Variants in ESR1 observed in about 807,000 individuals in gnomAD.
ESR1 encodes the protein estrogen receptor.
ESR1 carries 12 observed loss-of-function variants against 52.7 expected under a neutral mutation model. That is an observed-to-expected ratio of 0.23 (90% confidence interval 0.15 to 0.37). The LOEUF (loss-of-function observed/expected upper bound fraction) is 0.37, where lower values mean the gene tolerates loss of function less well. Ranked by LOEUF, ESR1 falls within the 10% of genes least tolerant of loss-of-function variation. The pLI is 1.00. For synonymous variants in ESR1, 305 were observed against 316.8 expected (o/e 0.96, Z 0.39); for missense variants, 584 against 779.7 (o/e 0.75, Z 2.99).
intron 3 of ESR1, among the ~76,000 whole-genome samples, chr6:151,899,258 C>T (rs1796133574): frequency 1.4e-5 from 2 of 138,686 alleles, no homozygotes; most frequent in Admixed American, 1.4e-4. Flanking sequence ...GGGGGCTGAA[C>T]CCCCACCTCC....
At chr6:151,732,534 T>TTGTGTGTGTGTGTG (rs3036504) in intron 2 of ESR1, among the ~76,000 whole-genome samples, 48 of 148,866 alleles carry the variant, frequency 3.2e-4, no homozygotes, top group East Asian at 5.9e-4. Flanking sequence ...GTGTGTGTGT[T>TTGTGTGTGTGTGTG]TGTGTGTGTG....
At chr6:151,663,177 GTGTAA>G (rs917557355) in intron 1 of ESR1, among the ~76,000 whole-genome samples, 4 of 152,194 alleles carry the variant, frequency 2.6e-5, no homozygotes, top group Non-Finnish European at 5.9e-5. Flanking sequence ...AGGGTGTTTT[GTGTAA>G]TGCCTGGAAT....
intron 3 of ESR1, among the ~76,000 whole-genome samples, chr6:151,908,751 T>C (rs898157935): frequency 6.6e-6 from 1 of 151,990 alleles, no homozygotes; most frequent in Admixed American, 6.6e-5. Flanking sequence ...AATCATGAAA[T>C]CTTTCTAAAC....
intron 1 of ESR1, among the ~76,000 whole-genome samples, chr6:151,821,506 T>G (rs1475054274): frequency 2.6e-5 from 4 of 152,232 alleles, no homozygotes; most frequent in African/African-American, 4.8e-5. Flanking sequence ...GTATTGAAGA[T>G]TCCCTTGTTT....
intron 4 of ESR1, among the ~76,000 whole-genome samples, chr6:151,952,209 G>A (rs536292361): frequency 6.2e-4 from 95 of 152,318 alleles, no homozygotes; most frequent in African/African-American, 2.2e-3. Context: ...TGTTTTAACA[G>A]ATAAATAATA....
intron 3 of ESR1, chr6:151,936,277 G>A (rs1335784524): frequency 6.6e-6 from 1 of 152,168 alleles, no homozygotes; most frequent in Non-Finnish European, 1.5e-5. Flanking sequence ...CTAAGGCTTG[G>A]GGAGAGCAAC....
intron 2 of ESR1, among the ~76,000 whole-genome samples, chr6:151,772,758 A>G (rs1161730564): frequency 6.6e-6 from 1 of 152,198 alleles, no homozygotes; most frequent in South Asian, 2.1e-4. Flanking sequence ...TTTATAACAT[A>G]TTTGTAAATG....
In ESR1 at chr6:151,968,770, C is replaced by T. The variant is rs1475812431; in HGVS notation, c.1096+24262C>T. 3.3e-5 allele frequency among the ~76,000 whole-genome samples: 5 copies of T among 152,238 alleles called. No individual in the cohort carries two copies. The East Asian group carries it at 9.7e-4, about 29-fold the overall frequency. On this transcript the variant is annotated intron_variant, in intron 4 of 7. Transcript: ENST00000206249. ...TCTGGTTCCGGGTCAGTGGATGGAG[C>T]ATTTCCTCTCGCAGGCACACCTTCA...
chr6:151,898,338 G>C (rs953395463), intron 3 of ESR1, among the ~76,000 whole-genome samples: 3 of 148,912 alleles, frequency 2.0e-5, no homozygotes, highest in Non-Finnish European at 4.5e-5. Context: ...ATTATTCTTA[G>C]GTTTGGTTGT....
At chr6:151,873,609 T>TCAA (rs1228039435) in intron 2 of ESR1, among the ~76,000 whole-genome samples, 1 of 152,226 alleles carries the variant, frequency 6.6e-6, no homozygotes, top group African/African-American at 2.4e-5. Flanking sequence ...TCCCAAATGT[T>TCAA]ACAGCTCAAA....
intron 2 of ESR1, among the ~76,000 whole-genome samples, chr6:151,776,218 G>A (rs1785976515): frequency 6.6e-6 from 1 of 152,146 alleles, no homozygotes; most frequent in Non-Finnish European, 1.5e-5. Flanking sequence ...ATAGACTGGG[G>A]ACATAGTGCC....
chr6:151,875,115 C>T (rs142646806), intron 2 of ESR1, among the ~76,000 whole-genome samples: 44 of 152,294 alleles, frequency 2.9e-4, no homozygotes, highest in South Asian at 2.1e-3. Context: ...GGCCTCAAAA[C>T]GGAAAGAGTA....
chr6:152,104,093 T>TGA (rs1310588291), downstream of ESR1, among the ~76,000 whole-genome samples: 4 of 148,516 alleles, frequency 2.7e-5, no homozygotes, highest in Non-Finnish European at 5.9e-5. Flanking sequence ...GGTTCTTTTA[T>TGA]GAAGACCACA....
intron 2 of ESR1, among the ~76,000 whole-genome samples, chr6:151,734,225 C>A (rs142760949): frequency 8.5e-5 from 13 of 152,232 alleles, no homozygotes; most frequent in Admixed American, 2.0e-4. Context: ...CTGGGCCATG[C>A]AACAGGCCTG....
intron 6 of ESR1, among the ~76,000 whole-genome samples, chr6:152,070,077 T>C (rs1477991660): frequency 7.3e-6 from 1 of 137,596 alleles, no homozygotes; most frequent in African/African-American, 3.2e-5. Flanking sequence ...CCTCTAATTC[T>C]AAGCAGTACT....
rs147117224 is a variant in ESR1 at position 151,925,776 on chromosome 6, G to GT, written c.761-18390dup. ...GGCTTATCTTTTCACTCTCTTAATTGTTTTTTTCAAAGTAGAAATTTAAAT... is the reference window on the plus strand; with the variant it reads ...GGCTTATCTTTTCACTCTCTTAATTGTTTTTTTTCAAAGTAGAAATTTAAAT... On this transcript the variant is annotated intron_variant, in intron 3 of 7. Transcript: ENST00000206249. Among the ~76,000 whole-genome samples the GT allele has an allele frequency of 3.0e-3, 455 of 150,816 alleles. 4 individuals carry two copies. The highest frequency in any genetic ancestry group is 0.011 in the African/African-American group (436 of 41,046).
Position 151,823,450 on chromosome 6 carries a change from TTTTTTGTTTTTG to T in ESR1, c.452+15098_452+15109del, listed in dbSNP as rs1021508039. On this transcript the variant is annotated intron_variant, in intron 1 of 7. Transcript: ENST00000206249. ...TTTTTTTTGAAATGACTATTATTTG[TTTTTTGTTTTTG>T]TTTTTGTTTTTCTTTTTTTCTAATT... Among the ~76,000 whole-genome samples, 77 of 152,204 alleles carry T rather than the reference TTTTTTGTTTTTG, an allele frequency of 5.1e-4. 1 individual carries two copies. The highest frequency in any genetic ancestry group is 9.4e-4 in the Non-Finnish European group (64 of 67,986).
At chr6:151,747,908 C>A (rs1269700700) in intron 2 of ESR1, among the ~76,000 whole-genome samples, 1 of 152,182 alleles carries the variant, frequency 6.6e-6, no homozygotes, top group East Asian at 1.9e-4. Flanking sequence ...TGGGTTTCCA[C>A]TTTTGGCTAT....
intron 2 of ESR1, among the ~76,000 whole-genome samples, chr6:151,869,657 T>A (rs1790593992): frequency 6.6e-6 from 1 of 152,160 alleles, no homozygotes; most frequent in African/African-American, 2.4e-5. Context: ...CAGACTGGGG[T>A]CTAGTGAGGG....
Sources: gnomAD v4.1 joint callset for allele counts (sites outside exome capture counted in the v4.1 genomes callset) on GRCh38, gnomAD v4.1.1 for gene constraint, MANE v1.5 for transcripts, NCBI Gene and HGNC (gene_info 2026-07-23, HGNC 2026-07-21) for gene names.